Variants in EML5 observed in about 807,000 individuals in gnomAD.
EML5 encodes EMAP like 5.
EML5 carries 120 observed loss-of-function variants against 250.0 expected under a neutral mutation model. The ratio of observed to expected loss-of-function variants is 0.48; its 90% CI spans 0.41 to 0.56. The LOEUF (loss-of-function observed/expected upper bound fraction) is 0.56. EML5 is among the 20% of genes least tolerant of loss of function. EML5 has a pLI of 0.00. For missense variants in EML5, 2,006 were observed against 2,437.6 expected (o/e 0.82, Z 3.73); for synonymous variants, 771 against 806.5 (o/e 0.96, Z 0.75).
chr14:88,764,884 T>G (rs909945371), intron 1 of EML5, among the ~76,000 whole-genome samples: 2 of 152,208 alleles, frequency 1.3e-5, no homozygotes, highest in African/African-American at 4.8e-5. Context: ...CTATATGATT[T>G]CAATTCTTTT....
intron 21 of EML5, among the ~76,000 whole-genome samples, chr14:88,677,451 T>C (rs1441269244): frequency 1.3e-5 from 2 of 152,128 alleles, no homozygotes; most frequent in East Asian, 1.9e-4. Flanking sequence ...AATTGGCAAA[T>C]GGGATCTAAT....
chr14:88,730,811 G>A (rs986114973), intron 7 of EML5, among the ~76,000 whole-genome samples: 1 of 152,156 alleles, frequency 6.6e-6, no homozygotes, highest in East Asian at 1.9e-4. Flanking sequence ...ATAACTAACT[G>A]ATGGTGGGAA....
intron 14 of EML5, among the ~76,000 whole-genome samples, chr14:88,697,673 G>C (rs748866006): frequency 1.3e-5 from 2 of 152,100 alleles, no homozygotes; most frequent in Non-Finnish European, 2.9e-5. Flanking sequence ...TTTGTATATA[G>C]AGACAACTCC....
chr14:88,772,917 C>T lies in EML5; in HGVS notation c.198-18246G>A, dbSNP rs185658963. Among the ~76,000 whole-genome samples, 133 of 152,260 alleles carry T rather than the reference C, an allele frequency of 8.7e-4. 1 individual carries two copies. In the East Asian group the frequency reaches 0.016, roughly 18 times the overall value. The stretch of plus-strand genomic sequence containing the variant: ...CTGGAATGACCTCCCAAATCTTTGC[C>T]GCATTCATATTATTCATGCTTTGGG... On this transcript the variant is annotated intron_variant, in intron 1 of 43. Transcript: ENST00000554922.
rs1595253391 is a variant in EML5 at position 88,626,630 on chromosome 14, A to T, written c.4740+208T>A. The T allele has an allele frequency of 5.0e-6, 3 of 594,274 alleles. No homozygotes were observed. In the South Asian group the frequency reaches 6.5e-5, roughly 13 times the overall value. The allele number at this position is 594,274 out of a possible 1,614,324, so 36.8% of individuals were successfully genotyped here. A position where few individuals can be genotyped will look rare whatever the true frequency, so the allele number is the denominator to read the frequency against. The stretch of plus-strand genomic sequence containing the variant: ...AGATACTGTGTCAAAAAAAAAAAAA[A>T]ATCCTTTTCCCCCTCTCATTAACAT... On this transcript the variant is annotated intron_variant, in intron 35 of 43. Transcript: ENST00000554922.
chr14:88,701,020 C>T (rs1484180030), intron 14 of EML5, among the ~76,000 whole-genome samples: 1 of 152,188 alleles, frequency 6.6e-6, no homozygotes, highest in Non-Finnish European at 1.5e-5. Context: ...CCAACTTCCC[C>T]TCTGCCAGGT....
Position 88,726,757 on chromosome 14 carries a change from A to T in EML5, c.1050-79T>A, listed in dbSNP as rs948745829. ...AAAATATTTTGGTTAAAATAATCTC[A>T]TCTTAATTAAGATAAATCTAGATAT... On this transcript the variant is annotated intron_variant, in intron 7 of 43. Coordinates refer to ENST00000554922, the MANE Select transcript of EML5 (RefSeq NM_183387.3). The T allele has an allele frequency of 1.2e-5, 12 of 1,026,146 alleles. No individual in the cohort carries two copies. The South Asian group carries it at 3.0e-4, about 25-fold the overall frequency. 63.6% of individuals were successfully genotyped at this position (1,026,146 alleles called of 1,614,324 possible). A position where few individuals can be genotyped will look rare whatever the true frequency, so the allele number is the denominator to read the frequency against.
At chr14:88,779,241 C>G (rs567004489) in intron 1 of EML5, among the ~76,000 whole-genome samples, 6 of 152,254 alleles carry the variant, frequency 3.9e-5, no homozygotes, top group Admixed American at 3.3e-4. Flanking sequence ...TTAAAGCCTT[C>G]TTCTAATATC....
chr14:88,671,111 A>G (rs2092451006), intron 21 of EML5, among the ~76,000 whole-genome samples: 1 of 152,186 alleles, frequency 6.6e-6, no homozygotes. Flanking sequence ...TAATCATCAG[A>G]TTCTCCAAGG....
At chr14:88,714,751 T>C in intron 9 of EML5, among the ~76,000 whole-genome samples, 188 bp downstream of exon 9, 1 of 152,322 alleles carries the variant, frequency 6.6e-6, no homozygotes, top group East Asian at 1.9e-4. Flanking sequence ...TATTGTATTA[T>C]ATTGTAGAAT....
chr14:88,624,853 G>C, intron 36 of EML5, 117 bp downstream of exon 36: 1 of 1,104,258 alleles, frequency 9.1e-7, no homozygotes, highest in Non-Finnish European at 1.3e-6. Context: ...AGAAGCATAT[G>C]AGGAGGAAGG....
chr14:88,753,270 C>T (rs887351478), intron 2 of EML5, among the ~76,000 whole-genome samples: 2 of 152,156 alleles, frequency 1.3e-5, no homozygotes, highest in Admixed American at 6.5e-5. Context: ...GCCAACTAAA[C>T]GAGCTACACC....
rs2087169270 is a variant in EML5, at chr14:88,613,665, G to A, written c.*2153C>T. On this transcript the variant is annotated 3_prime_UTR_variant, in exon 44 of 44. Transcript: ENST00000554922. ...ACCACAAAAAGGGACCACAAAAAAA[G>A]GAAGGAAATGAGCATGGTTGGCGAT... is the stretch of plus-strand genomic sequence containing the variant. 6.6e-6 allele frequency: 1 copy of A among 152,100 alleles called. No homozygotes were observed. The highest frequency in any genetic ancestry group is 6.6e-5 in the Admixed American group (1 of 15,262). The allele number at this position is 152,100 out of a possible 1,614,324, so 9.4% of individuals were successfully genotyped here.
chr14:88,640,760 A>G (rs997963508), intron 31 of EML5, among the ~76,000 whole-genome samples: 1 of 152,150 alleles, frequency 6.6e-6, no homozygotes, highest in Non-Finnish European at 1.5e-5. Flanking sequence ...AAGAATCAAC[A>G]AAATAAAAAA....
At position 88,614,979 on chromosome 14, in the gene EML5, C is replaced by T. The variant is rs1356932180; in HGVS notation, c.*839G>A. On this transcript the variant is annotated 3_prime_UTR_variant, in exon 44 of 44. Coordinates refer to ENST00000554922, the MANE Select transcript of EML5 (RefSeq NM_183387.3). ...AAACAAATGTGTATATATTAGACTA[C>T]ATTAAATATGCAATTCTTTCTTCCA... The T allele has an allele frequency of 6.6e-6, 1 of 152,188 alleles. No individual in the cohort carries two copies. Among genetic ancestry groups the T allele is most frequent in the Non-Finnish European group, 1.5e-5 (1 of 68,028 alleles). The allele number at this position is 152,188 out of a possible 1,614,324, so 9.4% of individuals were successfully genotyped here. A position where few individuals can be genotyped will look rare whatever the true frequency, so the allele number is the denominator to read the frequency against.
chr14:88,618,883 T>C, intron 39 of EML5, 71 bp from the exon 40 acceptor site: 1 of 1,449,812 alleles, frequency 6.9e-7, no homozygotes, highest in South Asian at 1.5e-5. Flanking sequence ...TCAGTGACTT[T>C]TCCTTTCTAG....
intron 7 of EML5, among the ~76,000 whole-genome samples, chr14:88,727,802 T>C (rs1337971885): frequency 6.6e-6 from 1 of 152,212 alleles, no homozygotes; most frequent in Non-Finnish European, 1.5e-5. Flanking sequence ...GACACACATA[T>C]GTATATATCC....
intron 1 of EML5, among the ~76,000 whole-genome samples, chr14:88,760,708 T>C (rs920065235): frequency 7.9e-5 from 12 of 152,218 alleles, no homozygotes; most frequent in Non-Finnish European, 1.5e-4. Flanking sequence ...GTTGGGATTA[T>C]GATTAGAATT....
chr14:88,682,733 A>G (rs2092742579), intron 20 of EML5, among the ~76,000 whole-genome samples: 1 of 152,178 alleles, frequency 6.6e-6, no homozygotes, highest in Non-Finnish European at 1.5e-5. Flanking sequence ...CTCAGCTGAC[A>G]GGTGGGAGAT....
Sources: gnomAD v4.1 joint callset for allele counts (sites outside exome capture counted in the v4.1 genomes callset) on GRCh38, gnomAD v4.1.1 for gene constraint, MANE v1.5 for transcripts, NCBI Gene and HGNC (gene_info 2026-07-23, HGNC 2026-07-21) for gene names.